SLC25A42: variants seen among roughly 807,000 people sequenced by gnomAD.
SLC25A42 encodes solute carrier family 25 member 42, also known as mitochondrial coenzyme A transporter SLC25A42.
A neutral mutation model predicts 34.7 loss-of-function variants in SLC25A42; 19 were observed. The observed-to-expected ratio is 0.55, with a 90% confidence interval of 0.38 to 0.80. The LOEUF is 0.80. SLC25A42 is among the 30% of genes least tolerant of loss of function. The pLI, the probability that SLC25A42 is intolerant of heterozygous loss-of-function variation, is 0.00. For synonymous variants in SLC25A42, 205 were observed against 191.2 expected (o/e 1.07, Z -0.59); for missense variants, 364 against 441.3 (o/e 0.82, Z 1.57).
intron 2 of SLC25A42, among the ~76,000 whole-genome samples, chr19:19,099,133 C>T (rs1460922095): frequency 6.6e-6 from 1 of 152,132 alleles, no homozygotes; most frequent in Non-Finnish European, 1.5e-5. Flanking sequence ...GCTGGGACCA[C>T]CAACAAGCGC....
At chr19:19,073,545 C>T (rs2059640874) in intron 1 of SLC25A42, among the ~76,000 whole-genome samples, 1 of 151,140 alleles carries the variant, frequency 6.6e-6, no homozygotes, top group African/African-American at 2.4e-5. Context: ...ATGCGGATTG[C>T]TGTGCCAGGT....
intron 4 of SLC25A42, chr19:19,105,329 G>T: frequency 1.7e-6 from 1 of 596,046 alleles, no homozygotes; most frequent in Non-Finnish European, 2.9e-6. Flanking sequence ...AAGAGAACTT[G>T]GTGGGGTGGG....
At chr19:19,079,617 T>C (rs1327257410) in intron 1 of SLC25A42, among the ~76,000 whole-genome samples, 2 of 152,254 alleles carry the variant, frequency 1.3e-5, no homozygotes, top group Non-Finnish European at 2.9e-5. Flanking sequence ...GGCTGAGTAG[T>C]AGTCTGTCAT....
chr19:19,066,869 C>A (rs1397217135), intron 1 of SLC25A42, among the ~76,000 whole-genome samples: 1 of 151,990 alleles, frequency 6.6e-6, no homozygotes, highest in Non-Finnish European at 1.5e-5. Flanking sequence ...CACTTCAGAC[C>A]CCCCTGTCTT....
intron 1 of SLC25A42, among the ~76,000 whole-genome samples, chr19:19,078,030 C>T (rs1299290271): frequency 6.6e-6 from 1 of 152,218 alleles, no homozygotes; most frequent in African/African-American, 2.4e-5. Context: ...GGACATACCA[C>T]ACACGTGTTC....
rs781548124 is a variant in SLC25A42 at position 19,110,864 on chromosome 19, C to G, written c.945C>G (p.His315Gln). Residue 315 changes from histidine to glutamine, a missense_variant, in exon 8 of 8, where the codon CAC (histidine) becomes CAG (glutamine). By Grantham distance (24) the His-to-Gln change is conservative. Transcript: ENST00000318596. ...TFDLMQILLR[H>Q]LQS ...ACCTCATGCAGATCCTGCTGCGGCACCTGCAGAGCTAGGGGACCCTGAGCT... is the reference window on the plus strand; with the variant it reads ...ACCTCATGCAGATCCTGCTGCGGCAGCTGCAGAGCTAGGGGACCCTGAGCT... 54 of 1,613,712 alleles carry G rather than the reference C, an allele frequency of 3.3e-5. No homozygotes were observed. Among genetic ancestry groups the G allele is most frequent in the African/African-American group, 8.0e-5 (6 of 74,940 alleles).
intron 2 of SLC25A42, among the ~76,000 whole-genome samples, chr19:19,101,447 C>T (rs946985931): frequency 6.6e-6 from 1 of 152,180 alleles, no homozygotes; most frequent in Non-Finnish European, 1.5e-5. Flanking sequence ...GCCACAGTGC[C>T]GTAGTCAGGT....
rs139309830 is a variant in SLC25A42, at chr19:19,084,345, G to A, written c.-34-11746G>A. ...TTCTCCAGCCACCTGAGTCTTTGGG[G>A]CAACCTCTTCATCGTAGTGAAATCT... On this transcript the variant is annotated intron_variant, in intron 1 of 7. Coordinates refer to ENST00000318596, the MANE Select transcript of SLC25A42 (RefSeq NM_178526.5). Among the ~76,000 whole-genome samples the A allele has an allele frequency of 4.2e-3, 645 of 152,300 alleles. 7 individuals carry two copies. Among genetic ancestry groups the A allele is most frequent in the African/African-American group, 0.015 (623 of 41,560 alleles).
chr19:19,084,837 A>G (rs1396373965), intron 1 of SLC25A42, among the ~76,000 whole-genome samples: 1 of 151,966 alleles, frequency 6.6e-6, no homozygotes. Context: ...TCACACCCAT[A>G]ATCCCAGCTA....
chr19:19,065,077 T>G (rs1221430480), intron 1 of SLC25A42, among the ~76,000 whole-genome samples: 2 of 152,080 alleles, frequency 1.3e-5, no homozygotes, highest in Non-Finnish European at 2.9e-5. Context: ...GGCCCATCTG[T>G]TATGTTTATC....
intron 2 of SLC25A42, among the ~76,000 whole-genome samples, chr19:19,096,706 G>A (rs565055444): frequency 9.9e-5 from 15 of 152,278 alleles, no homozygotes; most frequent in Middle Eastern, 3.4e-3. Context: ...GGATGCTGAG[G>A]TGGGAGGATC....
chr19:19,072,523 G>A (rs888156847), intron 1 of SLC25A42, among the ~76,000 whole-genome samples: 9 of 151,712 alleles, frequency 5.9e-5, no homozygotes, highest in Middle Eastern at 3.4e-3. Flanking sequence ...GATTACAGGC[G>A]CCTGCCACCA....
At chr19:19,078,081 G>A (rs936526463) in intron 1 of SLC25A42, among the ~76,000 whole-genome samples, 2 of 152,174 alleles carry the variant, frequency 1.3e-5, no homozygotes, top group African/African-American at 4.8e-5. Context: ...TGTCCATAGA[G>A]TGTGCTCATC....
intron 1 of SLC25A42, among the ~76,000 whole-genome samples, chr19:19,076,777 A>G (rs1196976386): frequency 6.6e-6 from 1 of 152,228 alleles, no homozygotes; most frequent in Non-Finnish European, 1.5e-5. Context: ...AGATCAAGAC[A>G]GTTTTCAAGC....
At chr19:19,104,884 A>T (rs1271487138) in intron 3 of SLC25A42, 29 bp from the exon 4 acceptor site, 1 of 1,613,930 alleles carries the variant, frequency 6.2e-7, no homozygotes, top group Non-Finnish European at 8.5e-7. Context: ...TTTGCATCTC[A>T]GTGGCTTTTG....
At chr19:19,071,865 CA>C (rs200399651) in intron 1 of SLC25A42, among the ~76,000 whole-genome samples, 3,568 of 138,750 alleles carry the variant, frequency 0.026, 131 homozygotes, top group African/African-American at 0.088. Flanking sequence ...GAATCCGTCT[CA>C]AAAAAAAAAA....
chr19:19,089,220 C>G (rs1191289497), intron 1 of SLC25A42, among the ~76,000 whole-genome samples: 1 of 152,126 alleles, frequency 6.6e-6, no homozygotes, highest in Non-Finnish European at 1.5e-5. Flanking sequence ...GACAAATGTG[C>G]AGTTGAACTT....
At chr19:19,092,431 G>A (rs547917306) in intron 1 of SLC25A42, among the ~76,000 whole-genome samples, 10 of 152,310 alleles carry the variant, frequency 6.6e-5, no homozygotes, top group Admixed American at 5.9e-4. Flanking sequence ...GGTGCCACTC[G>A]AGGCTGAGCC....
At chr19:19,096,346 C>G in intron 2 of SLC25A42, 141 bp downstream of exon 2, 1 of 642,394 alleles carries the variant, frequency 1.6e-6, no homozygotes, top group Non-Finnish European at 2.7e-6. Flanking sequence ...GTGCTCCATG[C>G]AGCCCATCAC....
Sources: allele counts gnomAD v4.1 joint callset (sites outside exome capture counted in the v4.1 genomes callset), GRCh38; gene constraint gnomAD v4.1.1; transcripts MANE v1.5; gene names NCBI Gene and HGNC (gene_info 2026-07-23, HGNC 2026-07-21).